CSMD1: variants seen among roughly 807,000 people sequenced by gnomAD.
The protein encoded by CSMD1 is CUB and sushi domain-containing protein 1.
Under a neutral mutation model 417.5 loss-of-function variants are expected in CSMD1, and 213 were observed. The observed-to-expected ratio is 0.51, with a 90% CI of 0.46 to 0.57. The LOEUF is 0.57. CSMD1 is among the 20% of genes least tolerant of loss of function. The pLI, the probability that CSMD1 is intolerant of heterozygous loss-of-function variation, is 0.00. For missense variants in CSMD1, 6,923 were observed against 4,529.7 expected (o/e 1.53, Z -15.17); for synonymous variants, 2,862 against 1,736.8 (o/e 1.65, Z -16.11).
intron 5 of CSMD1, among the ~76,000 whole-genome samples, chr8:3,852,054 G>T (rs993772864): frequency 6.6e-6 from 1 of 152,190 alleles, no homozygotes; most frequent in Non-Finnish European, 1.5e-5. Flanking sequence ...AATAAGAATG[G>T]TTGAGGCAGA....
chr8:4,736,048 T>C (rs1810212122), intron 1 of CSMD1, among the ~76,000 whole-genome samples: 1 of 152,238 alleles, frequency 6.6e-6, no homozygotes, highest in South Asian at 2.1e-4. Context: ...TGGACATTTG[T>C]ATTGCCCTGT....
In CSMD1 at chr8:3,406,363, G is replaced by A. The variant is rs375435060; in HGVS notation, c.2072-142C>T. On this transcript the variant is annotated intron_variant, in intron 14 of 69. Transcript: ENST00000635120. ...ATAAATTTCAGTTGTATCATTCATA[G>A]ATAGATAATACATTAATAAATAGGA... is the stretch of plus-strand genomic sequence containing the variant. 65 of 147,944 alleles carry A rather than the reference G, an allele frequency of 4.4e-4. 2 individuals are homozygous for A. The South Asian group carries it at 7.4e-3, about 17-fold the overall frequency. 9.2% of individuals were successfully genotyped at this position (147,944 alleles called of 1,614,324 possible). A position where few individuals can be genotyped will look rare whatever the true frequency, so the allele number is the denominator to read the frequency against.
At chr8:4,270,194 A>G (rs1804497109) in intron 3 of CSMD1, among the ~76,000 whole-genome samples, 2 of 152,196 alleles carry the variant, frequency 1.3e-5, no homozygotes, top group African/African-American at 4.8e-5. Flanking sequence ...GAGTTGACAT[A>G]GCCGCGTGTT....
chr8:4,237,494 C>G (rs954937208), intron 3 of CSMD1, among the ~76,000 whole-genome samples: 1 of 151,590 alleles, frequency 6.6e-6, no homozygotes, highest in African/African-American at 2.4e-5. Context: ...GCTAAACGGT[C>G]TTCACTCTTG....
intron 2 of CSMD1, among the ~76,000 whole-genome samples, chr8:4,513,195 T>G (rs923624516): frequency 1.3e-5 from 2 of 152,208 alleles, no homozygotes; most frequent in African/African-American, 4.8e-5. Context: ...TTGTAATAAA[T>G]GTACCATTCT....
intron 37 of CSMD1, among the ~76,000 whole-genome samples, chr8:3,164,050 G>A (rs969110326): frequency 2.0e-5 from 3 of 152,160 alleles, no homozygotes; most frequent in African/African-American, 7.2e-5. Context: ...TGAGTCGGAG[G>A]CAACACCATC....
At chr8:3,189,818 G>C (rs1796305543) in intron 34 of CSMD1, 94 bp downstream of exon 34, 1 of 1,191,834 alleles carries the variant, frequency 8.4e-7, no homozygotes, top group South Asian at 1.4e-5. Flanking sequence ...TCATGAGCCA[G>C]ATGGATTTAC....
At chr8:3,312,994 C>T (rs898729180) in intron 23 of CSMD1, among the ~76,000 whole-genome samples, 1 of 152,188 alleles carries the variant, frequency 6.6e-6, no homozygotes, top group African/African-American at 2.4e-5. Context: ...AATGTCAACA[C>T]TGTTTTTGAA....
intron 4 of CSMD1, among the ~76,000 whole-genome samples, chr8:4,027,988 T>C (rs1429370278): frequency 6.6e-6 from 1 of 152,120 alleles, no homozygotes; most frequent in African/African-American, 2.4e-5. Context: ...CTCTCTTAAG[T>C]GAGATCAATT....
rs138321347 is a variant in CSMD1, at chr8:4,451,109, C to T, written c.303-31044G>A. Among the ~76,000 whole-genome samples, 49 of 152,262 alleles carry T rather than the reference C, an allele frequency of 3.2e-4. No homozygotes were observed. The East Asian group carries it at 8.9e-3, about 28-fold the overall frequency. ...GGGAGGCCAAGGCAGGAGGATTACT[C>T]CTGAGTTCAAGAGATCCAGACTAGC... On this transcript the variant is annotated intron_variant, in intron 2 of 69. Transcript: ENST00000635120.
chr8:3,913,324 T>G (rs1297760279), intron 5 of CSMD1, among the ~76,000 whole-genome samples: 4 of 151,528 alleles, frequency 2.6e-5, no homozygotes, highest in Admixed American at 6.6e-5. Context: ...TGCTCAGGAG[T>G]GAGAATCCAA....
chr8:3,724,784 C>T (rs1192117055), intron 6 of CSMD1, among the ~76,000 whole-genome samples: 9 of 152,152 alleles, frequency 5.9e-5, no homozygotes, highest in Admixed American at 6.5e-5. Context: ...CATAAGAATA[C>T]CAGCAGTACT....
At chr8:4,542,898 T>C (rs1797460951) in intron 2 of CSMD1, among the ~76,000 whole-genome samples, 2 of 152,164 alleles carry the variant, frequency 1.3e-5, no homozygotes, top group South Asian at 2.1e-4. Flanking sequence ...TATTAGCATT[T>C]TTGAATATTT....
chr8:4,027,530 G>A (rs888401869), intron 4 of CSMD1, among the ~76,000 whole-genome samples: 10 of 152,010 alleles, frequency 6.6e-5, no homozygotes, highest in Admixed American at 1.3e-4. Context: ...TGTACTTCTC[G>A]CTCCTGCTGT....
intron 1 of CSMD1, among the ~76,000 whole-genome samples, chr8:4,965,397 T>G (rs772281279): frequency 1.3e-5 from 2 of 152,236 alleles, no homozygotes; most frequent in African/African-American, 4.8e-5. Flanking sequence ...ATATTTTGAT[T>G]GACCACTCAC....
chr8:3,240,395 C>T lies in CSMD1; in HGVS notation c.4154-10164G>A, dbSNP rs191836879. ...GATGGCAAAACCAGGTATCTAAAGT[C>T]GAAAGTATCCAACCATGCCTAGGAA... is the stretch of plus-strand genomic sequence containing the variant. On this transcript the variant is annotated intron_variant, in intron 26 of 69. Coordinates refer to ENST00000635120, the MANE Select transcript of CSMD1 (RefSeq NM_033225.6). Among the ~76,000 whole-genome samples, 1,422 of 149,220 alleles carry T rather than the reference C, an allele frequency of 9.5e-3. 22 individuals are homozygous for T. Among genetic ancestry groups the T allele is most frequent in the African/African-American group, 0.033 (1,336 of 40,660 alleles).
chr8:3,421,138 C>A (rs559768913), intron 12 of CSMD1, among the ~76,000 whole-genome samples: 2 of 152,274 alleles, frequency 1.3e-5, no homozygotes, highest in East Asian at 3.9e-4. Flanking sequence ...ACATCTTTAA[C>A]ATTCTATTAA....
At chr8:4,194,687 C>G (rs1468662152) in intron 3 of CSMD1, among the ~76,000 whole-genome samples, 2 of 152,104 alleles carry the variant, frequency 1.3e-5, no homozygotes, top group Non-Finnish European at 2.9e-5. Flanking sequence ...AAGGATCATA[C>G]AACACAAAGC....
chr8:4,350,111 C>T (rs900886597), intron 3 of CSMD1, among the ~76,000 whole-genome samples: 14 of 152,158 alleles, frequency 9.2e-5, no homozygotes, highest in African/African-American at 2.9e-4. Context: ...CTGGCTGCTA[C>T]GTCAGATTCA....
Sources: gnomAD v4.1 joint callset for allele counts (sites outside exome capture counted in the v4.1 genomes callset) on GRCh38, gnomAD v4.1.1 for gene constraint, MANE v1.5 for transcripts, NCBI Gene and HGNC (gene_info 2026-07-23, HGNC 2026-07-21) for gene names.